ERC2: variants seen among roughly 807,000 people sequenced by gnomAD.
ERC2 encodes the protein ERC protein 2.
ERC2 carries 42 observed loss-of-function variants against 114.8 expected under a neutral mutation model. That is an observed-to-expected ratio of 0.37 (90% CI 0.29 to 0.47). The LOEUF (loss-of-function observed/expected upper bound fraction) is 0.47. Among genes scored for constraint, ERC2 ranks in the 20% least tolerant of loss-of-function variants. The pLI is 0.99. For missense variants in ERC2, 939 were observed against 1,150.7 expected, an observed-to-expected ratio of 0.82 and a Z score of 2.66; for synonymous variants, 454 against 425.5, an observed-to-expected ratio of 1.07 and a Z score of -0.82.
intron 14 of ERC2, among the ~76,000 whole-genome samples, chr3:55,835,894 C>A (rs1284896264): frequency 6.6e-6 from 1 of 151,666 alleles, no homozygotes; most frequent in Non-Finnish European, 1.5e-5. Context: ...TGATAAGCAA[C>A]TTCAGCAAAG....
chr3:55,585,119 G>T (rs904643449), intron 17 of ERC2, among the ~76,000 whole-genome samples: 1 of 152,180 alleles, frequency 6.6e-6, no homozygotes, highest in Non-Finnish European at 1.5e-5. Flanking sequence ...AGCATTCCTC[G>T]GTTTACCGTA....
chr3:55,652,689 T>C (rs1393738614), intron 17 of ERC2, among the ~76,000 whole-genome samples: 2 of 151,862 alleles, frequency 1.3e-5, no homozygotes, highest in African/African-American at 2.4e-5. Flanking sequence ...CTGGCCAACA[T>C]AGTGAAACCC....
intron 3 of ERC2, among the ~76,000 whole-genome samples, chr3:56,183,422 A>G (rs916735589): frequency 6.6e-6 from 1 of 152,182 alleles, no homozygotes; most frequent in Non-Finnish European, 1.5e-5. Context: ...CAGCTATTTC[A>G]TCGCGTAGAG....
At chr3:56,313,602 C>G (rs1367493599) in intron 2 of ERC2, among the ~76,000 whole-genome samples, 1 of 152,116 alleles carries the variant, frequency 6.6e-6, no homozygotes, top group Non-Finnish European at 1.5e-5. Context: ...ACTGTGAAAA[C>G]AAGACCCAAG....
intron 2 of ERC2, among the ~76,000 whole-genome samples, chr3:56,332,419 G>A (rs1366019399): frequency 3.3e-5 from 5 of 152,148 alleles, no homozygotes; most frequent in Admixed American, 2.6e-4. Context: ...TCAGTTCTAT[G>A]AGTTGGCTAG....
intron 17 of ERC2, among the ~76,000 whole-genome samples, chr3:55,673,726 A>G (rs1194141386): frequency 6.6e-6 from 1 of 151,536 alleles, no homozygotes; most frequent in African/African-American, 2.4e-5. Flanking sequence ...ACAAAACAGC[A>G]GCCAGAGTCC....
intron 2 of ERC2, among the ~76,000 whole-genome samples, chr3:56,318,534 A>G (rs2056973729): frequency 6.6e-6 from 1 of 152,032 alleles, no homozygotes; most frequent in Admixed American, 6.6e-5. Context: ...CAAACCATGT[A>G]TCTGATAAGG....
intron 7 of ERC2, among the ~76,000 whole-genome samples, chr3:56,032,961 G>A (rs1350563027): frequency 1.0e-4 from 7 of 67,022 alleles, no homozygotes; most frequent in African/African-American, 1.7e-4. Flanking sequence ...GAAAGAAACA[G>A]AAAGAAAGAA....
intron 7 of ERC2, among the ~76,000 whole-genome samples, chr3:56,074,865 A>T (rs912464511): frequency 6.6e-6 from 1 of 152,124 alleles, no homozygotes; most frequent in Non-Finnish European, 1.5e-5. Context: ...CTTGGGTGAG[A>T]AGTAGATCTC....
intron 12 of ERC2, among the ~76,000 whole-genome samples, chr3:55,967,515 T>C (rs6780651): frequency 0.015 from 2,214 of 152,292 alleles, 56 homozygotes; most frequent in African/African-American, 0.051. Flanking sequence ...CCTTATAAAA[T>C]CAGAATTCTT....
At chr3:56,331,283 C>G (rs979475784) in intron 2 of ERC2, among the ~76,000 whole-genome samples, 28 of 152,156 alleles carry the variant, frequency 1.8e-4, no homozygotes, top group Admixed American at 9.8e-4. Flanking sequence ...TAGCAAGAAT[C>G]TCATTGGATC....
intron 1 of ERC2, among the ~76,000 whole-genome samples, chr3:56,445,230 A>G (rs1375295825): frequency 6.6e-6 from 1 of 152,160 alleles, no homozygotes; most frequent in Non-Finnish European, 1.5e-5. Flanking sequence ...CCATTATCTT[A>G]TATTCAGTCT....
At chr3:56,176,481 T>A (rs1575695151) in intron 3 of ERC2, among the ~76,000 whole-genome samples, 1 of 152,198 alleles carries the variant, frequency 6.6e-6, no homozygotes, top group East Asian at 1.9e-4. Context: ...GCTATAATTA[T>A]ACAAATTATA....
chr3:56,256,122 A>T (rs2052499394), intron 3 of ERC2, among the ~76,000 whole-genome samples: 1 of 152,224 alleles, frequency 6.6e-6, no homozygotes, highest in Non-Finnish European at 1.5e-5. Context: ...GTAATTTTTT[A>T]AACTCTGTCT....
intron 2 of ERC2, among the ~76,000 whole-genome samples, chr3:56,319,619 T>A (rs2057033205): frequency 6.6e-6 from 1 of 151,970 alleles, no homozygotes; most frequent in Non-Finnish European, 1.5e-5. Flanking sequence ...GGGGGTAGAT[T>A]TCATGTTAAA....
chr3:55,795,400 C>T (rs2070390514), intron 14 of ERC2, among the ~76,000 whole-genome samples: 1 of 152,180 alleles, frequency 6.6e-6, no homozygotes, highest in South Asian at 2.1e-4. Context: ...TTCCTACTTA[C>T]TTTCCCTTCA....
intron 10 of ERC2, among the ~76,000 whole-genome samples, chr3:56,005,071 C>T (rs1447569158): frequency 2.0e-5 from 3 of 151,774 alleles, no homozygotes; most frequent in African/African-American, 7.3e-5. Flanking sequence ...TTAGTTAATG[C>T]TAGACAGCCA....
chr3:55,658,624 G>A (rs932301799), intron 17 of ERC2: 4 of 152,652 alleles, frequency 2.6e-5, no homozygotes, highest in Non-Finnish European at 5.9e-5. Context: ...GCAATGGATG[G>A]CTGTACACCA....
intron 12 of ERC2, among the ~76,000 whole-genome samples, chr3:55,982,232 C>T (rs1378260579): frequency 6.6e-6 from 1 of 152,136 alleles, no homozygotes; most frequent in Non-Finnish European, 1.5e-5. Flanking sequence ...GCACAGGTTT[C>T]CTTACTGCAG....
Sources: allele counts gnomAD v4.1 joint callset (sites outside exome capture counted in the v4.1 genomes callset), GRCh38; gene constraint gnomAD v4.1.1; transcripts MANE v1.5; gene names NCBI Gene and HGNC (gene_info 2026-07-23, HGNC 2026-07-21).